The following ADGB variants were observed in gnomAD, a reference collection of about 807,000 sequenced individuals.
ADGB encodes the protein calpain-7-like protein.
ADGB carries 172 observed loss-of-function variants against 210.5 expected under a neutral mutation model. That is an observed-to-expected ratio of 0.82 (90% CI 0.72 to 0.93). The LOEUF is 0.93. Among genes scored for constraint, ADGB ranks in the 40% least tolerant of loss-of-function variants. The probability of loss-of-function intolerance (pLI) is 0.00; values close to 1 mark genes in which losing one functional copy is unlikely to be tolerated. For missense variants in ADGB, 2,025 were observed against 1,964.8 expected (o/e 1.03, Z -0.58); for synonymous variants, 658 against 662.7 (o/e 0.99, Z 0.11).
At chr6:146,668,957 T>C (rs1304192595) in intron 7 of ADGB, among the ~76,000 whole-genome samples, 1 of 152,066 alleles carries the variant, frequency 6.6e-6, no homozygotes, top group East Asian at 1.9e-4. Flanking sequence ...CACCCTGTCT[T>C]TAAGCCTAAT....
intron 9 of ADGB, among the ~76,000 whole-genome samples, chr6:146,679,177 G>C (rs1054497534): frequency 5.3e-5 from 8 of 152,294 alleles, no homozygotes; most frequent in African/African-American, 1.7e-4. Flanking sequence ...ACGTGCTAAA[G>C]ATCGCTCATT....
chr6:146,716,458 TG>T (rs1373827369), intron 14 of ADGB, among the ~76,000 whole-genome samples: 1 of 142,040 alleles, frequency 7.0e-6, no homozygotes, highest in African/African-American at 3.1e-5. Context: ...CCGGGCGCGG[TG>T]GCGGGCGCCT....
intron 30 of ADGB, among the ~76,000 whole-genome samples, chr6:146,784,361 A>T (rs1427459886): frequency 6.6e-6 from 1 of 152,146 alleles, no homozygotes; most frequent in African/African-American, 2.4e-5. Context: ...TTACTTTTTA[A>T]TATTAAGCAG....
intron 29 of ADGB, among the ~76,000 whole-genome samples, chr6:146,778,919 T>G (rs992075313): frequency 6.6e-6 from 1 of 152,166 alleles, no homozygotes; most frequent in African/African-American, 2.4e-5. Flanking sequence ...ATTATGACAG[T>G]CAACTTTTTC....
intron 12 of ADGB, among the ~76,000 whole-genome samples, chr6:146,699,302 G>T (rs1425135939): frequency 6.6e-6 from 1 of 152,142 alleles, no homozygotes; most frequent in East Asian, 1.9e-4. Context: ...AACCCAGGAA[G>T]CTGATGGTGT....
rs371702921 is a variant in ADGB at position 146,715,995 on chromosome 6, G to C, written c.1741+580G>C. On this transcript the variant is annotated intron_variant, in intron 14 of 35. Transcript: ENST00000397944. ...AGGCAGGAGAATCTCTTGAACCAGG[G>C]AGTCAGAGGTTGCAGTGAGCCAAGA... 1.5e-4 allele frequency among the ~76,000 whole-genome samples: 22 copies of C among 150,064 alleles called. No individual in the cohort carries two copies. The East Asian group carries it at 1.6e-3, about 11-fold the overall frequency.
chr6:146,618,625 G>A (rs996325043), intron 1 of ADGB, among the ~76,000 whole-genome samples: 8 of 151,232 alleles, frequency 5.3e-5, no homozygotes, highest in Non-Finnish European at 7.4e-5. Flanking sequence ...TGTTGATCAG[G>A]TGCATGTTGT....
intron 9 of ADGB, among the ~76,000 whole-genome samples, chr6:146,680,229 C>G (rs114205726): frequency 6.6e-6 from 1 of 152,062 alleles, no homozygotes. Context: ...TGACCTATAC[C>G]GTGCTCTCAA....
intron 8 of ADGB, among the ~76,000 whole-genome samples, chr6:146,675,156 A>T (rs1224271845): frequency 6.6e-6 from 1 of 152,110 alleles, no homozygotes; most frequent in East Asian, 1.9e-4. Context: ...AAATCTGCTG[A>T]AAAAGCTAAG....
chr6:146,669,455 A>T (rs192081784), intron 7 of ADGB, among the ~76,000 whole-genome samples: 2 of 152,204 alleles, frequency 1.3e-5, no homozygotes, highest in East Asian at 3.9e-4. Context: ...CCACCACACC[A>T]GTGAAATGGC....
At chr6:146,809,555 T>G (rs1778270476) in intron 35 of ADGB, among the ~76,000 whole-genome samples, 1 of 152,162 alleles carries the variant, frequency 6.6e-6, no homozygotes, top group Non-Finnish European at 1.5e-5. Flanking sequence ...TTTCCCAGGC[T>G]GTTCTCAAAC....
chr6:146,737,582 C>T (rs970685096), intron 23 of ADGB, among the ~76,000 whole-genome samples: 3 of 152,158 alleles, frequency 2.0e-5, no homozygotes, highest in Non-Finnish European at 4.4e-5. Flanking sequence ...ACCTTTACTC[C>T]AGAACCCATT....
chr6:146,765,555 A>G (rs1456866664), intron 28 of ADGB, among the ~76,000 whole-genome samples: 1 of 151,554 alleles, frequency 6.6e-6, no homozygotes. Context: ...GAAACTAATA[A>G]TTAACAAGGA....
intron 2 of ADGB, among the ~76,000 whole-genome samples, chr6:146,643,315 C>T (rs1775545939): frequency 1.3e-5 from 2 of 151,886 alleles, no homozygotes; most frequent in South Asian, 2.1e-4. Context: ...TCTCAGGCCA[C>T]ACCGGCCTTA....
chr6:146,632,001 T>G (rs1781073791), intron 1 of ADGB, among the ~76,000 whole-genome samples: 1 of 151,934 alleles, frequency 6.6e-6, no homozygotes, highest in African/African-American at 2.4e-5. Flanking sequence ...TCACTTGGTT[T>G]CCAAGGTATC....
rs73785198 is a variant in ADGB, at chr6:146,664,145, G to A, written c.613-56G>A. On this transcript the variant is annotated intron_variant, in intron 5 of 35. Coordinates refer to ENST00000397944, the MANE Select transcript of ADGB (RefSeq NM_024694.4). ...ATGTCAGCCACGTGCAATCATTTAC[G>A]AGAGAAAAGACTGTAAGCCATTGAT... 6.0e-4 allele frequency: 864 copies of A among 1,446,568 alleles called. 7 individuals are homozygous for A. In the African/African-American group the frequency reaches 0.011, roughly 18 times the overall value. The allele number at this position is 1,446,568 out of a possible 1,614,324, so 89.6% of individuals were successfully genotyped here.
chr6:146,651,278 C>T (rs1421656502), intron 3 of ADGB, among the ~76,000 whole-genome samples: 1 of 152,186 alleles, frequency 6.6e-6, no homozygotes, highest in Non-Finnish European at 1.5e-5. Flanking sequence ...AATTGCTCCA[C>T]TCATTGGAAA....
intron 28 of ADGB, 124 bp downstream of exon 28, chr6:146,764,224 A>C: frequency 1.3e-6 from 1 of 757,432 alleles, no homozygotes; most frequent in Non-Finnish European, 2.0e-6. Flanking sequence ...CCAGAATTGG[A>C]GAATAAGAGA....
intron 14 of ADGB, 140 bp downstream of exon 14, chr6:146,715,555 C>G: frequency 2.0e-6 from 1 of 496,558 alleles, no homozygotes; most frequent in Non-Finnish European, 3.5e-6. Flanking sequence ...CTAGTCTGCT[C>G]TGGGCTTTAA....
Sources: allele counts gnomAD v4.1 joint callset (sites outside exome capture counted in the v4.1 genomes callset), GRCh38; gene constraint gnomAD v4.1.1; transcripts MANE v1.5; gene names NCBI Gene and HGNC (gene_info 2026-07-23, HGNC 2026-07-21).